The following STC2 variants were observed in gnomAD, a reference collection of about 807,000 sequenced individuals.
STC2 encodes the protein stanniocalcin 2.
In STC2, 7 loss-of-function variants were observed where a neutral mutation model predicts 22.7. That is an observed-to-expected ratio of 0.31 (90% CI 0.18 to 0.58). The LOEUF is 0.58. STC2 is among the 20% of genes least tolerant of loss of function. STC2 has a pLI of 0.89. For synonymous variants in STC2, 158 were observed against 163.4 expected (o/e 0.97, Z 0.25); for missense variants, 336 against 406.2 (o/e 0.83, Z 1.48).
chr5:173,320,489 A>G (rs1762471034), intron 3 of STC2, among the ~76,000 whole-genome samples: 1 of 152,162 alleles, frequency 6.6e-6, no homozygotes, highest in Non-Finnish European at 1.5e-5. Flanking sequence ...AGCTCGTTCA[A>G]CTGGGTGTCA....
intron 3 of STC2, among the ~76,000 whole-genome samples, chr5:173,319,046 G>A (rs570648773): frequency 2.6e-4 from 40 of 152,256 alleles, no homozygotes; most frequent in African/African-American, 9.2e-4. Context: ...GAAGGCTGGC[G>A]GTCAGGGGCC....
intron 1 of STC2, among the ~76,000 whole-genome samples, chr5:173,327,205 C>G (rs1343810973): frequency 6.6e-6 from 1 of 152,262 alleles, no homozygotes; most frequent in Admixed American, 6.5e-5. Context: ...CCAGCTCGTG[C>G]GGTGAGCGCA....
Position 173,328,364 on chromosome 5 carries a change from C to CTAT in STC2, c.-172_-171insATA. On this transcript the variant is annotated 5_prime_UTR_variant, in exon 1 of 4. Transcript: ENST00000265087. ...TCGGATAGAGGTTACCCAGCGCCCTCCCGTAGCTCTCCGGAGAGCATGTGA... is the reference window on the plus strand; with the variant it reads ...TCGGATAGAGGTTACCCAGCGCCCTCTATCCGTAGCTCTCCGGAGAGCATGTGA... 6.6e-6 allele frequency: 4 copies of CTAT among 602,822 alleles called. No homozygotes were observed. Among genetic ancestry groups the CTAT allele is most frequent in the Non-Finnish European group, 1.0e-5 (4 of 395,166 alleles). 37.3% of individuals were successfully genotyped at this position (602,822 alleles called of 1,614,324 possible). A position where few individuals can be genotyped will look rare whatever the true frequency, so the allele number is the denominator to read the frequency against.
intron 3 of STC2, among the ~76,000 whole-genome samples, chr5:173,320,952 C>T (rs926442514): frequency 1.3e-5 from 2 of 151,858 alleles, no homozygotes; most frequent in African/African-American, 4.8e-5. Context: ...CAAGTCGATG[C>T]ACCGCCACAT....
At chr5:173,326,587 A>G (rs1677262837) in intron 1 of STC2, 1 of 152,414 alleles carries the variant, frequency 6.6e-6, no homozygotes, top group Non-Finnish European at 1.5e-5. Context: ...GCATTAAAAT[A>G]CCAGCTAGGG....
intron 2 of STC2, chr5:173,324,157 C>T (rs1461339746): frequency 2.0e-5 from 3 of 152,596 alleles, no homozygotes; most frequent in African/African-American, 7.2e-5. Flanking sequence ...TCCCTGCCTC[C>T]GAGTGGCGAA....
intron 2 of STC2, chr5:173,324,053 C>G (rs1336825301): frequency 6.5e-6 from 1 of 153,850 alleles, no homozygotes; most frequent in African/African-American, 2.4e-5. Context: ...CTCCTTTAAA[C>G]TGTTCGGATT....
rs778064932 is a variant in STC2, at chr5:173,318,291, A to AGAGAGAGAGC, written c.507-43_507-42insGCTCTCTCTC. On this transcript the variant is annotated intron_variant, in intron 3 of 3. Coordinates refer to ENST00000265087, the MANE Select transcript of STC2 (RefSeq NM_003714.3). ...AAGAGAGAGAGAGAGAGAGAGAGAG[A>AGAGAGAGAGC]GAGAGAGAGGCTGGGAATGGAGCAA... 9.0e-5 allele frequency: 124 copies of AGAGAGAGAGC among 1,373,262 alleles called. No individual in the cohort carries two copies. In the African/African-American group the frequency reaches 1.6e-3, roughly 18 times the overall value. The allele number at this position is 1,373,262 out of a possible 1,614,324, so 85.1% of individuals were successfully genotyped here. A position where few individuals can be genotyped will look rare whatever the true frequency, so the allele number is the denominator to read the frequency against.
Position 173,315,152 on chromosome 5 carries a change from C to T in STC2, c.*2695G>A, listed in dbSNP as rs1230991129. 1.3e-5 allele frequency: 2 copies of T among 152,188 alleles called. No individual in the cohort carries two copies. The highest frequency in any genetic ancestry group is 2.4e-5 in the African/African-American group (1 of 41,444). The allele number at this position is 152,188 out of a possible 1,614,324, so 9.4% of individuals were successfully genotyped here. ...CACTAAATCTTTATTTGGAGATCCA[C>T]ATCCTTCCTCAAAGGAAGGCTCATG... On this transcript the variant is annotated 3_prime_UTR_variant, in exon 4 of 4. Transcript: ENST00000265087.
Position 173,325,856 on chromosome 5 carries a change from A to T in STC2, c.294+12T>A, listed in dbSNP as rs746670391. On this transcript the variant is annotated intron_variant, in intron 2 of 3. Transcript: ENST00000265087. This position sits in a 1 kb window ranked among gnomAD's most constrained non-coding sequence, Gnocchi z 4.7. ...ACCCCAAACATTCTTCATGCTCTGGATGGATTTTTACCTGGGCATCAAATT... is the reference window on the plus strand; with the variant it reads ...ACCCCAAACATTCTTCATGCTCTGGTTGGATTTTTACCTGGGCATCAAATT... 2 of 1,614,108 alleles carry T rather than the reference A, an allele frequency of 1.2e-6. No individual in the cohort carries two copies. The highest frequency in any genetic ancestry group is 3.3e-5 in the Admixed American group (2 of 60,020).
intron 1 of STC2, 59 bp from the exon 2 acceptor site, chr5:173,326,069 G>A: frequency 6.4e-7 from 1 of 1,565,940 alleles, no homozygotes; most frequent in Non-Finnish European, 8.7e-7. Flanking sequence ...GGGCAATGCA[G>A]AGAGGTCATT....
At chr5:173,322,957 C>T (rs993504659) in intron 3 of STC2, 3 of 519,442 alleles carry the variant, frequency 5.8e-6, no homozygotes, top group African/African-American at 1.9e-5. Context: ...ATTACTGAAT[C>T]GACACATTTC....
chr5:173,327,951 G>C, intron 1 of STC2, 92 bp downstream of exon 1: 6 of 1,377,666 alleles, frequency 4.4e-6, no homozygotes, highest in Non-Finnish European at 5.7e-6. Context: ...CTGGGTGGGC[G>C]CCTGGCTCCC....
intron 3 of STC2, 152 bp from the exon 4 acceptor site, chr5:173,318,401 C>T: frequency 1.2e-6 from 1 of 811,000 alleles, no homozygotes; most frequent in Non-Finnish European, 1.7e-6. Context: ...GAAGATCTCT[C>T]TCAAATGACT....
chr5:173,324,814 C>T (rs1040133376), intron 2 of STC2, among the ~76,000 whole-genome samples: 4 of 152,192 alleles, frequency 2.6e-5, no homozygotes, highest in African/African-American at 4.8e-5. Flanking sequence ...TTTCCTATTA[C>T]GTTTCCTAAT....
rs1006462168 is a variant in STC2, at chr5:173,325,655, A to T, written c.294+213T>A. ...CAAGGTGTTTATCGTTTATTATGAC[A>T]TTGGTCTCCAGTCCACCCTGCCTGT... On this transcript the variant is annotated intron_variant, in intron 2 of 3. Transcript: ENST00000265087. This position sits in a 1 kb window ranked among gnomAD's most constrained non-coding sequence, Gnocchi z 4.7. 1.3e-5 allele frequency among the ~76,000 whole-genome samples: 2 copies of T among 152,144 alleles called. No homozygotes were observed. The highest frequency in any genetic ancestry group is 2.9e-5 in the Non-Finnish European group (2 of 68,026).
chr5:173,325,656 T>A lies in STC2; in HGVS notation c.294+212A>T, dbSNP rs2113140143. 6.6e-6 allele frequency among the ~76,000 whole-genome samples: 1 copy of A among 152,310 alleles called. No individual in the cohort carries two copies. Among genetic ancestry groups the A allele is most frequent in the African/African-American group, 2.4e-5 (1 of 41,550 alleles). On this transcript the variant is annotated intron_variant, in intron 2 of 3. Coordinates refer to ENST00000265087, the MANE Select transcript of STC2 (RefSeq NM_003714.3). This position sits in a 1 kb window ranked among gnomAD's most constrained non-coding sequence, Gnocchi z 4.7. ...AAGGTGTTTATCGTTTATTATGACA[T>A]TGGTCTCCAGTCCACCCTGCCTGTG...
In STC2 at chr5:173,318,266, A is replaced by G. The variant is rs995978023; in HGVS notation, c.507-17T>C. The stretch of plus-strand genomic sequence containing the variant: ...ACGTAGGGTCTAAAGATTGAAAGCA[A>G]AGAGAGAGAGAGAGAGAGAGAGAGA... On this transcript the variant is annotated splice_polypyrimidine_tract_variant and intron_variant, in intron 3 of 3. Transcript: ENST00000265087. 2.1e-5 allele frequency: 26 copies of G among 1,235,828 alleles called. No individual in the cohort carries two copies. Among genetic ancestry groups the G allele is most frequent in the African/African-American group, 3.6e-5 (2 of 55,978 alleles). 76.6% of individuals were successfully genotyped at this position (1,235,828 alleles called of 1,614,324 possible). A position where few individuals can be genotyped will look rare whatever the true frequency, so the allele number is the denominator to read the frequency against.
intron 1 of STC2, 110 bp downstream of exon 1, chr5:173,327,933 G>T: frequency 7.5e-7 from 1 of 1,335,174 alleles, no homozygotes; most frequent in Non-Finnish European, 9.8e-7. Context: ...CCAAGAGTTT[G>T]CGTGGCCCTG....
Sources: allele counts gnomAD v4.1 joint callset (sites outside exome capture counted in the v4.1 genomes callset), GRCh38; gene constraint gnomAD v4.1.1; non-coding constraint Gnocchi (gnomAD v3.1); transcripts MANE v1.5; gene names NCBI Gene and HGNC (gene_info 2026-07-23, HGNC 2026-07-21).